Variants in FRAS1 observed in about 807,000 individuals in gnomAD.
FRAS1 encodes the protein Fraser extracellular matrix complex subunit 1.
In FRAS1, 290 loss-of-function variants were observed where a neutral mutation model predicts 435.2. That is an observed-to-expected ratio of 0.67 (90% CI 0.61 to 0.73). The LOEUF is 0.73. FRAS1 is among the 30% of genes least tolerant of loss of function. The pLI is 0.00. For synonymous variants in FRAS1, 1,800 were observed against 1,851.0 expected (o/e 0.97, Z 0.71); for missense variants, 4,860 against 5,001.5 (o/e 0.97, Z 0.85).
chr4:78,066,079 C>A, intron 2 of FRAS1, 63 bp downstream of exon 2: 1 of 1,126,984 alleles, frequency 8.9e-7, no homozygotes, highest in Non-Finnish European at 1.3e-6. Flanking sequence ...ATTGAAGTTC[C>A]TGAGTGAGTG....
intron 9 of FRAS1, among the ~76,000 whole-genome samples, chr4:78,269,572 C>G (rs1726550795): frequency 6.6e-6 from 1 of 152,160 alleles, no homozygotes; most frequent in Non-Finnish European, 1.5e-5. Flanking sequence ...CACTGGTTAT[C>G]AACAGCAATG....
rs1734161413 is a variant in FRAS1, at chr4:78,430,279, C to T, written c.4844-13C>T. The T allele has an allele frequency of 1.2e-6, 2 of 1,613,712 alleles. No individual in the cohort carries two copies. The highest frequency in any genetic ancestry group is 8.5e-7 in the Non-Finnish European group (1 of 1,179,862). On this transcript the variant is annotated splice_polypyrimidine_tract_variant and intron_variant, in intron 36 of 73. Transcript: ENST00000512123. Reference sequence around the variant, plus strand: ...GCTTTCTCTCTCACCACGCTTCCTTCTCCTTGCTGCAGGACTTCAGGTGGT... The same window carrying T: ...GCTTTCTCTCTCACCACGCTTCCTTTTCCTTGCTGCAGGACTTCAGGTGGT...
In FRAS1 at chr4:78,479,517, G is replaced by A. The variant is rs751443890; in HGVS notation, c.8242G>A (p.Val2748Met). ...GAGTCGTGTGATATTCGGGCCTGGT[G>A]TGACCATGTCCACCTGTGATGTCAT... ...AASRVIFGPG[V>M]TMSTCDVMLI... The change falls in exon 56 of 74, where the codon GTG becomes ATG. Residue 2748 changes from valine (V) to methionine (M), a missense_variant. Physicochemically the swap from Val to Met is conservative, Grantham distance 21. Coordinates refer to ENST00000512123, the MANE Select transcript of FRAS1 (RefSeq NM_025074.7). 17 of 1,613,812 alleles carry A rather than the reference G, an allele frequency of 1.1e-5. No individual in the cohort carries two copies. The highest frequency in any genetic ancestry group is 2.7e-5 in the African/African-American group (2 of 74,936).
chr4:78,462,606 A>C (rs1395651722), intron 47 of FRAS1, among the ~76,000 whole-genome samples: 1 of 152,164 alleles, frequency 6.6e-6, no homozygotes, highest in Admixed American at 6.5e-5. Context: ...GTGAGCTGTG[A>C]GAGTGGATTC....
intron 32 of FRAS1, among the ~76,000 whole-genome samples, chr4:78,415,501 G>A (rs1733518683): frequency 6.6e-6 from 1 of 152,178 alleles, no homozygotes; most frequent in African/African-American, 2.4e-5. Context: ...AGGTAATGCT[G>A]TTTGCTGCTT....
chr4:78,466,239 C>T lies in FRAS1; in HGVS notation c.7061C>T (p.Pro2354Leu), dbSNP rs1439067233. Residue 2354 changes from proline to leucine, a missense_variant, in exon 50 of 74, where the codon CCT (proline) becomes CTT (leucine). Coordinates refer to ENST00000512123, the MANE Select transcript of FRAS1 (RefSeq NM_025074.7). ...AESVTFTIVQ[P>L]PRHGTIERTS... ...TCTGTCACATTCACCATCGTGCAGC[C>T]TCCACGCCATGGCACCATCGAGCGA... is the stretch of plus-strand genomic sequence containing the variant. 2 of 1,613,844 alleles carry T rather than the reference C, an allele frequency of 1.2e-6. No homozygotes were observed. The highest frequency in any genetic ancestry group is 2.7e-5 in the African/African-American group (2 of 74,928).
intron 2 of FRAS1, among the ~76,000 whole-genome samples, chr4:78,235,540 A>G (rs9994502): frequency 0.29 from 44,063 of 152,068 alleles, 6,841 homozygotes; most frequent in East Asian, 0.37. Flanking sequence ...GCAACTTAGG[A>G]ACTATGAACT....
At chr4:78,181,877 G>T (rs1560567310) in intron 2 of FRAS1, 6 of 1,611,698 alleles carry the variant, frequency 3.7e-6, no homozygotes, top group Non-Finnish European at 4.2e-6. Context: ...CTGGGCCGCC[G>T]CCTGAGCTGC....
rs778772211 is a variant in FRAS1, at chr4:78,526,601, G to A, written c.10869G>A (p.Gln3623=). The change falls in exon 70 of 74, where the codon CAG becomes CAA. Residue 3623 remains glutamine (Q), a synonymous_variant. Coordinates refer to ENST00000512123, the MANE Select transcript of FRAS1 (RefSeq NM_025074.7). ...YLIPCTVQPT[Q]PWVDPGEKPL... ...TCCCTTGCACAGTGCAGCCCACACA[G>A]CCATGGGTTGACCCAGGAGAGAAGC... 6.5e-5 allele frequency: 104 copies of A among 1,601,918 alleles called. No homozygotes were observed. The highest frequency in any genetic ancestry group is 1.1e-5 in the Non-Finnish European group (13 of 1,174,794).
chr4:78,070,059 T>A (rs1430275607), intron 2 of FRAS1, among the ~76,000 whole-genome samples: 3 of 152,072 alleles, frequency 2.0e-5, no homozygotes, highest in African/African-American at 7.2e-5. Context: ...CCAGTCTCTG[T>A]CCCTGACCTC....
chr4:78,249,072 T>TATATATGCATATATATATATGC (rs1553934060), intron 4 of FRAS1, among the ~76,000 whole-genome samples: 1 of 111,912 alleles, frequency 8.9e-6, no homozygotes, highest in East Asian at 2.4e-4. Context: ...TGCATATATA[T>TATATATGCATATATATATATGC]ATATATATAT....
intron 14 of FRAS1, among the ~76,000 whole-genome samples, chr4:78,288,934 A>T (rs993421436): frequency 1.3e-5 from 2 of 152,208 alleles, no homozygotes; most frequent in South Asian, 4.1e-4. Flanking sequence ...GAAGCCTGCC[A>T]TTTTATGGTA....
At chr4:78,391,704 C>T (rs1473666966) in intron 29 of FRAS1, among the ~76,000 whole-genome samples, 1 of 152,082 alleles carries the variant, frequency 6.6e-6, no homozygotes. Context: ...CAAAAGTCCC[C>T]AAGTGTCATG....
chr4:78,077,267 G>A (rs1245221421), intron 2 of FRAS1, among the ~76,000 whole-genome samples: 2 of 151,968 alleles, frequency 1.3e-5, no homozygotes, highest in African/African-American at 4.8e-5. Context: ...CTACTTGGGC[G>A]GCTGAGGTGG....
chr4:78,286,523 T>C lies in FRAS1; in HGVS notation c.1518T>C (p.Asp506=), dbSNP rs767515457. 6.2e-7 allele frequency: 1 copy of C among 1,612,834 alleles called. No homozygotes were observed. Among genetic ancestry groups the C allele is most frequent in the South Asian group, 1.1e-5 (1 of 91,040 alleles). The change falls in exon 14 of 74, where the codon GAT becomes GAC. Residue 506 remains aspartate, a synonymous_variant. Coordinates refer to ENST00000512123, the MANE Select transcript of FRAS1 (RefSeq NM_025074.7). ...CCTGTGGGGACGGCTTCTACCAAGA[T>C]CGCCATTCCTGTGCAGGTAATCTCT... is the stretch of plus-strand genomic sequence containing the variant. ...VPTCGDGFYQ[D]RHSCAVCHES... is the part of the protein sequence containing the mutation.
chr4:78,118,343 G>A (rs2903453), intron 2 of FRAS1, among the ~76,000 whole-genome samples: 42,538 of 152,022 alleles, frequency 0.28, 6,272 homozygotes, highest in African/African-American at 0.35. Context: ...GAGAACCACT[G>A]CTCTCCTCAA....
chr4:78,389,490 G>T (rs1474842494), intron 29 of FRAS1, among the ~76,000 whole-genome samples: 3 of 152,238 alleles, frequency 2.0e-5, no homozygotes, highest in Non-Finnish European at 4.4e-5. Context: ...AGCAGTGAAG[G>T]TGGCATAGGA....
rs115910774 is a variant in FRAS1, at chr4:78,523,462, T to A, written c.10808+654T>A. Among the ~76,000 whole-genome samples, 1,334 of 152,050 alleles carry A rather than the reference T, an allele frequency of 8.8e-3. 24 individuals carry two copies. The highest frequency in any genetic ancestry group is 0.031 in the African/African-American group (1,276 of 41,466). On this transcript the variant is annotated intron_variant, in intron 69 of 73. Coordinates refer to ENST00000512123, the MANE Select transcript of FRAS1 (RefSeq NM_025074.7). ...TAGGAATTTAACAACTATAGTAAAA[T>A]ATCCCCCATCTGTAAAAGGGAAGAA...
chr4:78,176,347 C>G (rs535675752), intron 2 of FRAS1, among the ~76,000 whole-genome samples: 1 of 152,120 alleles, frequency 6.6e-6, no homozygotes, highest in Non-Finnish European at 1.5e-5. Flanking sequence ...AATCATTGCG[C>G]CCCTCCCATT....
Sources: allele counts gnomAD v4.1 joint callset (sites outside exome capture counted in the v4.1 genomes callset), GRCh38; gene constraint gnomAD v4.1.1; transcripts MANE v1.5; gene names NCBI Gene and HGNC (gene_info 2026-07-23, HGNC 2026-07-21).